The following FCHSD2 variants were observed in gnomAD, a reference collection of about 807,000 sequenced individuals.
FCHSD2 encodes F-BAR and double SH3 domains protein 2.
A neutral mutation model predicts 108.1 loss-of-function variants in FCHSD2; 38 were observed. That is an observed-to-expected ratio of 0.35 (90% CI 0.27 to 0.46). The LOEUF is 0.46. Among genes scored for constraint, FCHSD2 ranks in the 20% least tolerant of loss-of-function variants. The pLI, the probability that FCHSD2 is intolerant of heterozygous loss-of-function variation, is 1.00. For synonymous variants in FCHSD2, 279 were observed against 314.7 expected (o/e 0.89, Z 1.20); for missense variants, 751 against 897.8 (o/e 0.84, Z 2.09).
At chr11:72,957,036 C>CT (rs761406851) in intron 8 of FCHSD2, among the ~76,000 whole-genome samples, 121 of 143,928 alleles carry the variant, frequency 8.4e-4, no homozygotes, top group Non-Finnish European at 1.1e-3. Flanking sequence ...TTTTTTTCTT[C>CT]TTTTTTTTTA....
chr11:72,850,065 T>G (rs915762202), intron 13 of FCHSD2, among the ~76,000 whole-genome samples, 176 bp from the exon 14 acceptor site: 5 of 147,954 alleles, frequency 3.4e-5, no homozygotes, highest in Middle Eastern at 6.8e-3. Context: ...GAGTTTTTTT[T>G]TTTTTTTTTT....
At chr11:73,077,604 CAG>C (rs1344993101) in intron 3 of FCHSD2, 2 of 431,138 alleles carry the variant, frequency 4.6e-6, no homozygotes, top group Non-Finnish European at 9.1e-6. Flanking sequence ...ACTCAAAAAA[CAG>C]AAATAACTCA....
At chr11:72,981,402 A>G (rs1857213821) in intron 8 of FCHSD2, among the ~76,000 whole-genome samples, 1 of 152,148 alleles carries the variant, frequency 6.6e-6, no homozygotes, top group African/African-American at 2.4e-5. Flanking sequence ...CCCCCAAATA[A>G]GAATGTACTT....
intron 5 of FCHSD2, among the ~76,000 whole-genome samples, chr11:72,998,561 G>C (rs1857563641): frequency 6.6e-6 from 1 of 151,974 alleles, no homozygotes; most frequent in Non-Finnish European, 1.5e-5. Context: ...AGTTAATTTG[G>C]AACAAGGATT....
chr11:73,065,344 A>G (rs990514605), intron 3 of FCHSD2, among the ~76,000 whole-genome samples: 5 of 152,222 alleles, frequency 3.3e-5, no homozygotes, highest in African/African-American at 7.2e-5. Context: ...CTGGGTATCA[A>G]TGGAATGTAT....
intron 3 of FCHSD2, among the ~76,000 whole-genome samples, chr11:73,051,906 C>T (rs961560412): frequency 6.8e-6 from 1 of 147,752 alleles, no homozygotes; most frequent in Admixed American, 6.7e-5. Flanking sequence ...CACACACACA[C>T]ACACACACAC....
intron 13 of FCHSD2, among the ~76,000 whole-genome samples, chr11:72,865,029 A>C (rs1420840991): frequency 1.3e-5 from 2 of 152,250 alleles, no homozygotes; most frequent in Non-Finnish European, 2.9e-5. Flanking sequence ...TACCCAAGTA[A>C]GTATAGTTCC....
rs899073077 is a variant in FCHSD2 at position 72,902,781 on chromosome 11, A to G, written c.829-143T>C. 3.8e-5 allele frequency: 21 copies of G among 555,472 alleles called. No individual in the cohort carries two copies. The East Asian group carries it at 6.3e-4, about 17-fold the overall frequency. The allele number at this position is 555,472 out of a possible 1,614,324, so 34.4% of individuals were successfully genotyped here. ...TGGTAAAAAAGAAATGGTGTTACGCATTTTATTTTTCATTTTAGACAATGG... is the reference window on the plus strand; with the variant it reads ...TGGTAAAAAAGAAATGGTGTTACGCGTTTTATTTTTCATTTTAGACAATGG... On this transcript the variant is annotated intron_variant, in intron 9 of 19. Transcript: ENST00000409418.
intron 5 of FCHSD2, among the ~76,000 whole-genome samples, chr11:72,999,315 CTTTTTTTTTTT>C (rs777275615): frequency 9.6e-6 from 1 of 103,784 alleles, no homozygotes; most frequent in Non-Finnish European, 2.0e-5. Context: ...ACCAAAGATT[CTTTTTTTTTTT>C]TTTTTTTTTT....
At chr11:73,053,698 G>A (rs1858956374) in intron 3 of FCHSD2, among the ~76,000 whole-genome samples, 1 of 152,146 alleles carries the variant, frequency 6.6e-6, no homozygotes, top group South Asian at 2.1e-4. Context: ...TTTACAGTAT[G>A]GGCATTTAAT....
intron 3 of FCHSD2, among the ~76,000 whole-genome samples, chr11:73,067,182 C>A (rs558296373): frequency 1.3e-5 from 2 of 152,078 alleles, no homozygotes; most frequent in Non-Finnish European, 2.9e-5. Flanking sequence ...ATGTCCTTTG[C>A]AGGGACATGG....
chr11:73,110,139 G>A (rs1371423074), intron 2 of FCHSD2, among the ~76,000 whole-genome samples: 2 of 144,130 alleles, frequency 1.4e-5, no homozygotes, highest in African/African-American at 2.5e-5. Context: ...ATACTGGTCT[G>A]TAGTTTTCTT....
rs534742598 is a variant in FCHSD2 at position 72,842,525 on chromosome 11, C to G, written c.1926+96G>C. On this transcript the variant is annotated intron_variant, in intron 17 of 19. Transcript: ENST00000409418. ...CAACCAAGGACCGGTGAGGGTAAGG[C>G]AGAGACTGCAGCCCACTTTTGTGTG... 3 of 1,473,966 alleles carry G rather than the reference C, an allele frequency of 2.0e-6. No homozygotes were observed. In the African/African-American group the frequency reaches 4.2e-5, roughly 21 times the overall value. The allele number at this position is 1,473,966 out of a possible 1,614,324, so 91.3% of individuals were successfully genotyped here. A position where few individuals can be genotyped will look rare whatever the true frequency, so the allele number is the denominator to read the frequency against.
chr11:72,935,922 A>G lies in FCHSD2; in HGVS notation c.706-13972T>C, dbSNP rs530861672. The stretch of plus-strand genomic sequence containing the variant: ...TCTTGCATTACTACTAGCATGCAAG[A>G]TAAGTCAGATGTCTGAAAAAGGTCT... On this transcript the variant is annotated intron_variant, in intron 8 of 19. Coordinates refer to ENST00000409418, the MANE Select transcript of FCHSD2 (RefSeq NM_014824.3). Among the ~76,000 whole-genome samples, 6 of 152,370 alleles carry G rather than the reference A, an allele frequency of 3.9e-5. No homozygotes were observed. The East Asian group carries it at 5.8e-4, about 15-fold the overall frequency.
intron 12 of FCHSD2, among the ~76,000 whole-genome samples, chr11:72,878,558 A>G (rs1855016988): frequency 6.6e-6 from 1 of 152,232 alleles, no homozygotes. Context: ...TTGTTTTACT[A>G]GGAAGAAAGT....
At chr11:73,030,070 G>A (rs1366812412) in intron 3 of FCHSD2, among the ~76,000 whole-genome samples, 1 of 151,980 alleles carries the variant, frequency 6.6e-6, no homozygotes, top group African/African-American at 2.4e-5. Flanking sequence ...AAAGAAATAG[G>A]TAAGAAATAC....
chr11:73,040,943 T>C lies in FCHSD2; in HGVS notation c.166-25058A>G, dbSNP rs186160830. 1.8e-4 allele frequency among the ~76,000 whole-genome samples: 28 copies of C among 152,320 alleles called. No homozygotes were observed. In the East Asian group the frequency reaches 2.3e-3, roughly 13 times the overall value. On this transcript the variant is annotated intron_variant, in intron 3 of 19. Transcript: ENST00000409418. ...TCTCAATCTCCATGACAGCAACTTT[T>C]TTAGCTCCCACATATCAGTGAGTGA...
At chr11:73,118,182 G>A (rs1227192432) in intron 2 of FCHSD2, among the ~76,000 whole-genome samples, 1 of 152,104 alleles carries the variant, frequency 6.6e-6, no homozygotes, top group Non-Finnish European at 1.5e-5. Flanking sequence ...AGTAGGGTAT[G>A]GTGGCAGGTG....
At chr11:72,861,026 A>G (rs1861559290) in intron 13 of FCHSD2, among the ~76,000 whole-genome samples, 1 of 152,182 alleles carries the variant, frequency 6.6e-6, no homozygotes, top group South Asian at 2.1e-4. Flanking sequence ...ATCCAAATTG[A>G]ACAGAAGAAA....
Sources: allele counts gnomAD v4.1 joint callset (sites outside exome capture counted in the v4.1 genomes callset), GRCh38; gene constraint gnomAD v4.1.1; transcripts MANE v1.5; gene names NCBI Gene and HGNC (gene_info 2026-07-23, HGNC 2026-07-21).